COL4A4: variants seen among roughly 807,000 people sequenced by gnomAD.
The protein encoded by COL4A4 is collagen alpha-4(IV) chain.
Under a neutral mutation model 192.9 loss-of-function variants are expected in COL4A4, and 105 were observed. That is an observed-to-expected ratio of 0.54 (90% CI 0.46 to 0.64). The LOEUF is 0.64. COL4A4 is among the 30% of genes least tolerant of loss of function. The pLI, the probability that COL4A4 is intolerant of heterozygous loss-of-function variation, is 0.00. For missense variants in COL4A4, 1,967 were observed against 2,169.3 expected (o/e 0.91, Z 1.85); for synonymous variants, 762 against 769.9 (o/e 0.99, Z 0.17).
chr2:226,967,460 T>C, the COL4A4 span, among the ~76,000 whole-genome samples: 1 of 152,128 alleles, frequency 6.6e-6, no homozygotes, highest in Non-Finnish European at 1.5e-5. Flanking sequence ...TGTATACATG[T>C]GCCATGTTGG....
At position 227,102,851 on chromosome 2, in the gene COL4A4, T is replaced by G. The variant is rs1392716421; in HGVS notation, c.871-3A>C. 6.2e-7 allele frequency: 1 copy of G among 1,612,206 alleles called. No individual in the cohort carries two copies. The highest frequency in any genetic ancestry group is 1.3e-5 in the African/African-American group (1 of 74,872). ...TTTGCCCCAATACCAGATTCTCCCTTTAAGAGATGACAACATTTAGAGGGG... is the reference window on the plus strand; with the variant it reads ...TTTGCCCCAATACCAGATTCTCCCTGTAAGAGATGACAACATTTAGAGGGG... On this transcript the variant is annotated splice_polypyrimidine_tract_variant and splice_region_variant and intron_variant, in intron 14 of 47. Coordinates refer to ENST00000396625, the MANE Select transcript of COL4A4 (RefSeq NM_000092.5).
intron 4 of COL4A4, among the ~76,000 whole-genome samples, chr2:227,122,217 G>T (rs556920043): frequency 1.3e-5 from 2 of 152,262 alleles, no homozygotes; most frequent in East Asian, 3.9e-4. Flanking sequence ...CATCTAAAGC[G>T]ATATCCCGAC....
intron 25 of COL4A4, among the ~76,000 whole-genome samples, chr2:227,069,262 G>T (rs2058557024): frequency 6.6e-6 from 1 of 151,530 alleles, no homozygotes; most frequent in Non-Finnish European, 1.5e-5. Flanking sequence ...TGGGTAGGAA[G>T]AATCAATATC....
intron 40 of COL4A4, among the ~76,000 whole-genome samples, chr2:227,030,994 A>G (rs1421120960): frequency 1.4e-5 from 2 of 145,900 alleles, no homozygotes; most frequent in African/African-American, 2.6e-5. Flanking sequence ...GGATGGATAG[A>G]TAAGATGGAT....
chr2:227,140,315 G>T, intron 3 of COL4A4, 77 bp from the exon 4 acceptor site: 1 of 1,236,476 alleles, frequency 8.1e-7, no homozygotes, highest in Non-Finnish European at 1.2e-6. Context: ...ATTATAACAA[G>T]CACTCTTGGT....
chr2:227,161,935 C>CA (rs145896035), intron 1 of COL4A4, among the ~76,000 whole-genome samples: 3,985 of 130,118 alleles, frequency 0.031, 133 homozygotes, highest in East Asian at 0.12. Context: ...TTCCTTTGTA[C>CA]AAAAAAAAAA....
intron 35 of COL4A4, among the ~76,000 whole-genome samples, chr2:227,045,917 A>AC (rs1972587099): frequency 1.3e-5 from 1 of 74,498 alleles, no homozygotes; most frequent in South Asian, 5.6e-4. Context: ...ATATGTATGT[A>AC]TATGTATATG....
intron 37 of COL4A4, among the ~76,000 whole-genome samples, chr2:227,036,324 A>G (rs529407208): frequency 4.6e-5 from 7 of 152,348 alleles, no homozygotes; most frequent in Non-Finnish European, 7.3e-5. Context: ...CTAAAGCCTG[A>G]AAACATTACT....
At chr2:226,975,845 C>T in the COL4A4 span, among the ~76,000 whole-genome samples, 1 of 152,078 alleles carries the variant, frequency 6.6e-6, no homozygotes, top group East Asian at 1.9e-4. Context: ...ATTTCATTGT[C>T]ACCAATAGAT....
intron 4 of COL4A4, among the ~76,000 whole-genome samples, chr2:227,138,935 A>G (rs1227375175): frequency 6.6e-6 from 1 of 152,158 alleles, no homozygotes; most frequent in Non-Finnish European, 1.5e-5. Context: ...GCCCCCTACA[A>G]TTGACTTGAA....
chr2:227,140,621 G>GT (rs993890426), intron 3 of COL4A4, among the ~76,000 whole-genome samples: 20 of 150,204 alleles, frequency 1.3e-4, no homozygotes, highest in South Asian at 1.1e-3. Context: ...TGAAAAGCTT[G>GT]TTTTTTTTTC....
intron 12 of COL4A4, among the ~76,000 whole-genome samples, chr2:227,106,447 T>C (rs2060847744): frequency 6.6e-6 from 1 of 152,206 alleles, no homozygotes; most frequent in South Asian, 2.1e-4. Context: ...ATGTAAAAGG[T>C]CCATAATTAT....
the COL4A4 span, among the ~76,000 whole-genome samples, chr2:226,992,793 C>T: frequency 4.5e-3 from 692 of 152,208 alleles, 5 homozygotes; most frequent in Admixed American, 7.7e-3. Flanking sequence ...GGTGTGAGAA[C>T]CGATGGCCAC....
chr2:227,108,737 T>A lies in COL4A4; in HGVS notation c.693+96A>T, dbSNP rs1017650022. 6 of 1,526,632 alleles carry A rather than the reference T, an allele frequency of 3.9e-6. No homozygotes were observed. The African/African-American group carries it at 6.9e-5, about 17-fold the overall frequency. The allele number at this position is 1,526,632 out of a possible 1,614,324, so 94.6% of individuals were successfully genotyped here. A position where few individuals can be genotyped will look rare whatever the true frequency, so the allele number is the denominator to read the frequency against. ...GCAGTTCATGGAATACTTTGGGAAG[T>A]CTGATAAGAGGAAAGCCATCATTCT... On this transcript the variant is annotated intron_variant, in intron 11 of 47. Coordinates refer to ENST00000396625, the MANE Select transcript of COL4A4 (RefSeq NM_000092.5).
chr2:227,100,396 G>A (rs1319875009), intron 17 of COL4A4, among the ~76,000 whole-genome samples: 1 of 151,740 alleles, frequency 6.6e-6, no homozygotes, highest in African/African-American at 2.4e-5. Flanking sequence ...CACACAGCAT[G>A]CATTAAAGTA....
chr2:227,059,289 T>C (rs759262296), intron 28 of COL4A4, 116 bp downstream of exon 28: 39 of 899,280 alleles, frequency 4.3e-5, no homozygotes, highest in Non-Finnish European at 7.0e-5. Context: ...GGAAAACACT[T>C]GGGTAAACTG....
At chr2:227,031,423 G>A (rs1968379836) in intron 40 of COL4A4, among the ~76,000 whole-genome samples, 1 of 152,086 alleles carries the variant, frequency 6.6e-6, no homozygotes, top group Non-Finnish European at 1.5e-5. Context: ...AACCTACTTG[G>A]TCAGCTTAGT....
chr2:227,011,392 C>T (rs954249281), intron 45 of COL4A4, among the ~76,000 whole-genome samples: 2 of 152,186 alleles, frequency 1.3e-5, no homozygotes, highest in Admixed American at 6.5e-5. Flanking sequence ...ATATTTTGAA[C>T]GAAGAGAGTG....
In COL4A4 at chr2:227,010,293, G is replaced by T; in HGVS notation, c.4522+20C>A. ...ATTTTACTCTTCAGGCAATGGAGATGGGCGATCCTGTATCCATACCAAGGT... is the reference window on the plus strand; with the variant it reads ...ATTTTACTCTTCAGGCAATGGAGATTGGCGATCCTGTATCCATACCAAGGT... On this transcript the variant is annotated intron_variant, in intron 46 of 47. Transcript: ENST00000396625. 3 of 1,613,964 alleles carry T rather than the reference G, an allele frequency of 1.9e-6. No individual in the cohort carries two copies. The South Asian group carries it at 3.3e-5, about 18-fold the overall frequency.
Sources: allele counts gnomAD v4.1 joint callset (sites outside exome capture counted in the v4.1 genomes callset), GRCh38; gene constraint gnomAD v4.1.1; transcripts MANE v1.5; gene names NCBI Gene and HGNC (gene_info 2026-07-23, HGNC 2026-07-21).